ROS1: variants seen among roughly 807,000 people sequenced by gnomAD.
ROS1 encodes proto-oncogene tyrosine-protein kinase ROS.
A neutral mutation model predicts 273.5 loss-of-function variants in ROS1; 263 were observed. The ratio of observed to expected loss-of-function variants is 0.96; its 90% CI spans 0.87 to 1.06. ROS1 has a LOEUF of 1.06. Among genes scored for constraint, ROS1 ranks in the 50% least tolerant of loss-of-function variants. ROS1 has a pLI of 0.00. For synonymous variants in ROS1, 1,008 were observed against 954.1 expected (o/e 1.06, Z -1.04); for missense variants, 2,833 against 2,751.1 (o/e 1.03, Z -0.67).
chr6:117,380,784 T>C (rs1002783771), intron 17 of ROS1, among the ~76,000 whole-genome samples: 2 of 152,102 alleles, frequency 1.3e-5, no homozygotes, highest in Non-Finnish European at 2.9e-5. Flanking sequence ...AAAACCCTTA[T>C]GCTAAATTTT....
intron 7 of ROS1, among the ~76,000 whole-genome samples, chr6:117,400,372 G>T (rs1353175195): frequency 6.6e-6 from 1 of 152,196 alleles, no homozygotes; most frequent in Non-Finnish European, 1.5e-5. Context: ...TTCTACAAGG[G>T]AGTAAGCTTC....
At chr6:117,293,278 C>T (rs1773970835) in intron 43 of ROS1, among the ~76,000 whole-genome samples, 1 of 152,104 alleles carries the variant, frequency 6.6e-6, no homozygotes, top group Non-Finnish European at 1.5e-5. Context: ...AATACAAAAT[C>T]ATCTTCTCAC....
At chr6:117,322,758 T>C (rs1562270702) in intron 35 of ROS1, among the ~76,000 whole-genome samples, 1 of 152,170 alleles carries the variant, frequency 6.6e-6, no homozygotes, top group Non-Finnish European at 1.5e-5. Flanking sequence ...ACACACACGC[T>C]CTTACTAGTA....
In ROS1 at chr6:117,409,610, C is replaced by G. The variant is rs149736013; in HGVS notation, c.288G>C (p.Ala96=). ...GTACTTCCTCTTCATATGCACCTTC[C>G]GCGCTGCTACAGCCAACCTCACACG... is the stretch of plus-strand genomic sequence containing the variant. ...RESCEVGCSS[A]EGAYEEEVLE... is the part of the protein sequence containing the mutation. The change falls in exon 5 of 44, where the codon GCG becomes GCC. Residue 96 remains alanine (A), a synonymous_variant. Transcript: ENST00000368507. The G allele has an allele frequency of 1.2e-6, 2 of 1,613,926 alleles. No individual in the cohort carries two copies. The highest frequency in any genetic ancestry group is 1.7e-6 in the Non-Finnish European group (2 of 1,179,906).
At chr6:117,309,518 A>T (rs1775374490) in intron 41 of ROS1, among the ~76,000 whole-genome samples, 1 of 152,160 alleles carries the variant, frequency 6.6e-6, no homozygotes, top group African/African-American at 2.4e-5. Flanking sequence ...AGCACTGAGA[A>T]ATTTTATCTC....
chr6:117,376,059 T>C (rs943755423), intron 18 of ROS1, among the ~76,000 whole-genome samples: 1 of 151,570 alleles, frequency 6.6e-6, no homozygotes, highest in Non-Finnish European at 1.5e-5. Flanking sequence ...TAGAAGTTAA[T>C]GAAATAAAAA....
intron 21 of ROS1, 23 bp from the exon 22 acceptor site, chr6:117,362,888 G>T: frequency 6.4e-7 from 1 of 1,568,174 alleles, no homozygotes; most frequent in Non-Finnish European, 8.6e-7. Context: ...GGCACAGGTA[G>T]AGCAGAAAAG....
chr6:117,352,472 T>A (rs956986846), intron 27 of ROS1, among the ~76,000 whole-genome samples: 30 of 152,026 alleles, frequency 2.0e-4, no homozygotes, highest in Admixed American at 7.9e-4. Flanking sequence ...ACATTTTTTT[T>A]AAAAAAGATA....
intron 43 of ROS1, among the ~76,000 whole-genome samples, chr6:117,300,637 A>G (rs959478638): frequency 2.5e-4 from 38 of 152,204 alleles, no homozygotes; most frequent in African/African-American, 8.9e-4. Context: ...CAAAGAGTCT[A>G]TAATTAACTC....
chr6:117,380,978 T>C (rs1014438605), intron 17 of ROS1, among the ~76,000 whole-genome samples: 3 of 152,112 alleles, frequency 2.0e-5, no homozygotes, highest in African/African-American at 7.2e-5. Flanking sequence ...CAAAATATAT[T>C]ATTACTGCAT....
At chr6:117,324,233 A>T (rs1582622262) in intron 35 of ROS1, 99 bp downstream of exon 35, 5 of 676,588 alleles carry the variant, frequency 7.4e-6, no homozygotes, top group African/African-American at 1.9e-5. Flanking sequence ...TAATCAGGCA[A>T]TATTTCATGT....
At chr6:117,322,410 T>C (rs1306787899) in intron 35 of ROS1, among the ~76,000 whole-genome samples, 2 of 152,178 alleles carry the variant, frequency 1.3e-5, no homozygotes, top group South Asian at 2.1e-4. Flanking sequence ...GCTTATCCTA[T>C]GCACTGTCTT....
chr6:117,348,881 T>C, intron 27 of ROS1, among the ~76,000 whole-genome samples: 1 of 152,018 alleles, frequency 6.6e-6, no homozygotes, highest in South Asian at 2.1e-4. Context: ...CCAAGTGTTC[T>C]GAGATTTTCC....
In ROS1 at chr6:117,396,949, G is replaced by C. The variant is rs1674306855; in HGVS notation, c.772C>G (p.Gln258Glu). 6.2e-7 allele frequency: 1 copy of C among 1,613,846 alleles called. No homozygotes were observed. The highest frequency in any genetic ancestry group is 8.5e-7 in the Non-Finnish European group (1 of 1,179,898). Residue 258 changes from glutamine (Q) to glutamate (E), a missense_variant, in exon 8 of 44, where the codon CAG (glutamine) becomes GAG (glutamate). Gln to Glu is a conservative substitution (Grantham distance 29). Transcript: ENST00000368507. ...LDAGTQRTSF[Q>E]FYSTLPNTIY... ...GTATTTGGTAAAGTGGAGTAAAACT[G>C]GAAACTGGTTCTCTGTGTCCCTGCA...
chr6:117,367,901 A>G (rs1562323588), intron 18 of ROS1, among the ~76,000 whole-genome samples: 1 of 152,186 alleles, frequency 6.6e-6, no homozygotes, highest in Non-Finnish European at 1.5e-5. Flanking sequence ...AGGGAAAATC[A>G]ATCCCGAAGG....
intron 18 of ROS1, among the ~76,000 whole-genome samples, chr6:117,366,666 A>T (rs1271335996): frequency 6.6e-6 from 1 of 152,046 alleles, no homozygotes; most frequent in Non-Finnish European, 1.5e-5. Flanking sequence ...TGCACACACC[A>T]CTAAGCCTGG....
chr6:117,412,272 AT>A (rs1420682386), intron 4 of ROS1, among the ~76,000 whole-genome samples: 16 of 152,094 alleles, frequency 1.1e-4, no homozygotes, highest in African/African-American at 3.6e-4. Flanking sequence ...AATAAGATCT[AT>A]TTTGACTATT....
chr6:117,308,605 A>G (rs1322234463), intron 42 of ROS1, among the ~76,000 whole-genome samples, 189 bp downstream of exon 42: 1 of 152,166 alleles, frequency 6.6e-6, no homozygotes, highest in Non-Finnish European at 1.5e-5. Context: ...TATCATGTGT[A>G]TATACAATTA....
In ROS1 at chr6:117,311,050, A is replaced by T; in HGVS notation, c.6185T>A (p.Val2062Asp). 6.2e-7 allele frequency: 1 copy of T among 1,611,476 alleles called. No homozygotes were observed. Among genetic ancestry groups the T allele is most frequent in the Non-Finnish European group, 8.5e-7 (1 of 1,178,398 alleles). ...AATGAAATGCATCCGTTCCAAGTAG[A>T]CACAGCCTTTTGAAATATCTACACA... ...DLCVDISKGCVYLERMHFIHR... is the reference protein window; with the variant it reads ...DLCVDISKGCDYLERMHFIHR... Residue 2062 changes from valine (V) to aspartate (D), a missense_variant, in exon 40 of 44, where the codon GTC (valine) becomes GAC (aspartate). Coordinates refer to ENST00000368507, the MANE Select transcript of ROS1 (RefSeq NM_001378902.1).
Sources: allele counts gnomAD v4.1 joint callset (sites outside exome capture counted in the v4.1 genomes callset), GRCh38; gene constraint gnomAD v4.1.1; transcripts MANE v1.5; gene names NCBI Gene and HGNC (gene_info 2026-07-23, HGNC 2026-07-21).